The following FER variants were observed in gnomAD, a reference collection of about 807,000 sequenced individuals.
The protein encoded by FER is FER tyrosine kinase, also known as tyrosine-protein kinase Fer.
A neutral mutation model predicts 111.0 loss-of-function variants in FER; 63 were observed. The observed-to-expected ratio is 0.57, with a 90% CI of 0.46 to 0.70. The LOEUF (loss-of-function observed/expected upper bound fraction) is 0.70, where lower values mean the gene tolerates loss of function less well. FER is among the 30% of genes least tolerant of loss of function. The probability of loss-of-function intolerance (pLI) is 0.00; values close to 1 mark genes in which losing one functional copy is unlikely to be tolerated. For missense variants in FER, 914 were observed against 954.0 expected, an observed-to-expected ratio of 0.96 and a Z score of 0.55; for synonymous variants, 327 against 313.9, an observed-to-expected ratio of 1.04 and a Z score of -0.44.
intron 17 of FER, among the ~76,000 whole-genome samples, chr5:109,176,086 G>A (rs1403632536): frequency 6.6e-6 from 1 of 152,032 alleles, no homozygotes; most frequent in Non-Finnish European, 1.5e-5. Flanking sequence ...TATATATTAT[G>A]GAAAACAGTG....
At chr5:108,857,808 C>T (rs190412950) in intron 5 of FER, among the ~76,000 whole-genome samples, 100 of 152,234 alleles carry the variant, frequency 6.6e-4, no homozygotes, top group African/African-American at 2.3e-3. Context: ...TTTATACTAT[C>T]ATAATGATAT....
At chr5:108,929,770 A>G (rs949918712) in intron 10 of FER, among the ~76,000 whole-genome samples, 2 of 152,182 alleles carry the variant, frequency 1.3e-5, no homozygotes, top group African/African-American at 4.8e-5. Context: ...AATACTTTAA[A>G]ATATCAGGGG....
At chr5:109,161,584 C>T (rs1238920222) in intron 17 of FER, among the ~76,000 whole-genome samples, 2 of 152,056 alleles carry the variant, frequency 1.3e-5, no homozygotes, top group African/African-American at 4.8e-5. Flanking sequence ...TTCCTTTTTA[C>T]AGCTACATAG....
chr5:108,860,022 A>T (rs1178041447), intron 5 of FER, among the ~76,000 whole-genome samples: 1 of 150,804 alleles, frequency 6.6e-6, no homozygotes. Flanking sequence ...GCTCACTGCA[A>T]CCTCCACCTC....
chr5:109,180,142 G>T (rs1758135868), intron 17 of FER, among the ~76,000 whole-genome samples: 1 of 152,162 alleles, frequency 6.6e-6, no homozygotes, highest in South Asian at 2.1e-4. Flanking sequence ...TAATGATAGG[G>T]AGACTGGACA....
Position 108,957,095 on chromosome 5 carries a change from C to G in FER, c.1534-2130C>G, listed in dbSNP as rs1172745260. 3.3e-5 allele frequency among the ~76,000 whole-genome samples: 5 copies of G among 151,582 alleles called. No homozygotes were observed. The South Asian group carries it at 6.2e-4, about 19-fold the overall frequency. On this transcript the variant is annotated intron_variant, in intron 12 of 19. Transcript: ENST00000281092. ...ACTTGGCTTTCAGTCCTAGCTCTGT[C>G]TTTACTTGTTCTGTGGTTTAGGAAA... is the stretch of plus-strand genomic sequence containing the variant.
chr5:108,804,267 A>T (rs1756970840), intron 3 of FER, among the ~76,000 whole-genome samples: 1 of 152,156 alleles, frequency 6.6e-6, no homozygotes, highest in Admixed American at 6.5e-5. Context: ...GTATAGATGC[A>T]TGTCATCCAT....
intron 2 of FER, among the ~76,000 whole-genome samples, chr5:108,788,120 T>G (rs1754950074): frequency 6.6e-6 from 1 of 152,194 alleles, no homozygotes; most frequent in African/African-American, 2.4e-5. Context: ...ACACCCTTTT[T>G]GGGACTCTGT....
intron 8 of FER, among the ~76,000 whole-genome samples, chr5:108,873,552 C>A (rs1764811415): frequency 6.6e-6 from 1 of 152,188 alleles, no homozygotes; most frequent in African/African-American, 2.4e-5. Context: ...GGCATACTGA[C>A]TACTGGTGAG....
intron 5 of FER, among the ~76,000 whole-genome samples, chr5:108,844,008 A>T (rs1180173241): frequency 6.7e-6 from 1 of 150,348 alleles, no homozygotes; most frequent in Non-Finnish European, 1.5e-5. Context: ...CTATGTATAT[A>T]TATATGTGTG....
intron 2 of FER, among the ~76,000 whole-genome samples, chr5:108,779,026 A>C (rs1464959696): frequency 6.7e-5 from 10 of 150,366 alleles, no homozygotes; most frequent in South Asian, 2.1e-4. Context: ...TTTTTTTGCA[A>C]GTGGATGTCC....
Position 108,941,613 on chromosome 5 carries a change from T to C in FER, c.1237-4517T>C, listed in dbSNP as rs1015036296. On this transcript the variant is annotated intron_variant, in intron 10 of 19. Transcript: ENST00000281092. ...CCTAAATTGTATTAAAAGCAGAATC[T>C]TAGTTAAGATACCTTGATAATCTAA... Among the ~76,000 whole-genome samples the C allele has an allele frequency of 2.6e-5, 4 of 152,164 alleles. No homozygotes were observed. In the East Asian group the frequency reaches 7.7e-4, roughly 29 times the overall value.
intron 3 of FER, 106 bp downstream of exon 3, chr5:108,798,495 C>A: frequency 1.1e-6 from 1 of 869,722 alleles, no homozygotes; most frequent in Non-Finnish European, 1.8e-6. Context: ...CATTCTAAAG[C>A]AGTGATTCCA....
At chr5:109,071,395 T>G (rs1417119617) in intron 16 of FER, among the ~76,000 whole-genome samples, 1 of 152,064 alleles carries the variant, frequency 6.6e-6, no homozygotes, top group East Asian at 1.9e-4. Context: ...AATGCCCTTC[T>G]CATTATATCA....
intron 13 of FER, among the ~76,000 whole-genome samples, chr5:109,000,911 G>T (rs1764684419): frequency 6.6e-6 from 1 of 152,090 alleles, no homozygotes; most frequent in Admixed American, 6.6e-5. Context: ...TAGAAGAAAT[G>T]GATAAATTCC....
intron 17 of FER, among the ~76,000 whole-genome samples, chr5:109,158,304 T>C (rs1453375125): frequency 6.6e-6 from 1 of 152,022 alleles, no homozygotes; most frequent in African/African-American, 2.4e-5. Flanking sequence ...TCGGGGCAGT[T>C]GAGGTAGATG....
intron 17 of FER, among the ~76,000 whole-genome samples, chr5:109,128,460 T>C (rs1432496191): frequency 6.6e-6 from 1 of 152,170 alleles, no homozygotes; most frequent in East Asian, 1.9e-4. Context: ...CAGTTGCCTT[T>C]AGTCTCAGTA....
chr5:108,786,448 C>T (rs888220034), intron 2 of FER, among the ~76,000 whole-genome samples: 6 of 152,102 alleles, frequency 3.9e-5, no homozygotes, highest in Admixed American at 6.5e-5. Flanking sequence ...GTGAAACTTA[C>T]GGAATAAGGT....
At position 108,844,111 on chromosome 5, in the gene FER, T is replaced by C. The variant is rs375524295; in HGVS notation, c.481+8304T>C. Among the ~76,000 whole-genome samples the C allele has an allele frequency of 5.5e-3, 827 of 151,508 alleles. 19 individuals are homozygous for C. The highest frequency in any genetic ancestry group is 0.024 in the Middle Eastern group (7 of 292). On this transcript the variant is annotated intron_variant, in intron 5 of 19. Coordinates refer to ENST00000281092, the MANE Select transcript of FER (RefSeq NM_005246.4). ...GTGTGAACATATGTGTGTGAACATG[T>C]GTGTGAACACATATATGTGTGTGAA...
Sources: gnomAD v4.1 joint callset for allele counts (sites outside exome capture counted in the v4.1 genomes callset) on GRCh38, gnomAD v4.1.1 for gene constraint, MANE v1.5 for transcripts, NCBI Gene and HGNC (gene_info 2026-07-23, HGNC 2026-07-21) for gene names.